Variants in BORCS5 observed in about 807,000 individuals in gnomAD.
BORCS5 encodes the protein BLOC-1 related complex subunit 5.
BORCS5 carries 17 observed loss-of-function variants against 22.1 expected under a neutral mutation model. The observed-to-expected ratio is 0.77, with a 90% CI of 0.53 to 1.15. The LOEUF (loss-of-function observed/expected upper bound fraction) is 1.15. Among genes scored for constraint, BORCS5 ranks in the 50% most tolerant of loss-of-function variants. The pLI is 0.00. For synonymous variants in BORCS5, 117 were observed against 99.8 expected (o/e 1.17, Z -1.03); for missense variants, 247 against 253.2 (o/e 0.98, Z 0.17).
At chr12:12,401,387 A>G (rs1284459097) in intron 2 of BORCS5, among the ~76,000 whole-genome samples, 1 of 152,238 alleles carries the variant, frequency 6.6e-6, no homozygotes, top group African/African-American at 2.4e-5. Flanking sequence ...AACCATCTCA[A>G]ACATAGGGTC....
intron 3 of BORCS5, among the ~76,000 whole-genome samples, chr12:12,438,232 A>G (rs1028833959): frequency 6.6e-6 from 1 of 151,872 alleles, no homozygotes; most frequent in South Asian, 2.1e-4. Flanking sequence ...GTGATGGTGC[A>G]TGCCTGTAGT....
intron 2 of BORCS5, among the ~76,000 whole-genome samples, chr12:12,422,674 CAT>C (rs1035205740): frequency 2.0e-5 from 3 of 151,962 alleles, no homozygotes; most frequent in South Asian, 2.1e-4. Context: ...ACTTTCATAA[CAT>C]AGAAAAACTC....
chr12:12,394,169 T>C (rs1017710602), intron 2 of BORCS5, among the ~76,000 whole-genome samples: 1 of 151,734 alleles, frequency 6.6e-6, no homozygotes, highest in Non-Finnish European at 1.5e-5. Flanking sequence ...CTACTAAAAA[T>C]ACAAAAATGA....
At chr12:12,451,166 CTT>C (rs201926986) in intron 3 of BORCS5, among the ~76,000 whole-genome samples, 12 of 139,010 alleles carry the variant, frequency 8.6e-5, no homozygotes, top group Admixed American at 7.2e-5. Context: ...AGAATTTATT[CTT>C]TTTTTTTTTT....
intron 1 of BORCS5, among the ~76,000 whole-genome samples, chr12:12,358,838 T>C (rs922414620): frequency 3.3e-5 from 5 of 152,176 alleles, no homozygotes; most frequent in African/African-American, 9.7e-5. Flanking sequence ...TTTTGTAAAA[T>C]GTTAGGTAAA....
Position 12,395,098 on chromosome 12 carries a change from G to A in BORCS5, c.202+33749G>A, listed in dbSNP as rs377066892. ...AGGACAGGTGGGGTTTTGGTGTGATGTGTTAGGTTGGGTTGGGAAGGTGGA... is the reference window on the plus strand; with the variant it reads ...AGGACAGGTGGGGTTTTGGTGTGATATGTTAGGTTGGGTTGGGAAGGTGGA... On this transcript the variant is annotated intron_variant, in intron 2 of 3. Transcript: ENST00000314565. 9.3e-4 allele frequency among the ~76,000 whole-genome samples: 141 copies of A among 152,060 alleles called. 1 individual carries two copies. Among genetic ancestry groups the A allele is most frequent in the African/African-American group, 3.3e-3 (136 of 41,376 alleles).
intron 2 of BORCS5, among the ~76,000 whole-genome samples, chr12:12,409,558 C>G (rs569369730): frequency 2.0e-5 from 3 of 152,264 alleles, no homozygotes; most frequent in African/African-American, 4.8e-5. Context: ...AGGACATGAA[C>G]TCATCATTTT....
At chr12:12,442,137 G>T (rs1942695871) in intron 3 of BORCS5, among the ~76,000 whole-genome samples, 1 of 152,206 alleles carries the variant, frequency 6.6e-6, no homozygotes, top group Admixed American at 6.5e-5. Context: ...CGCAGCCCCA[G>T]GAAGATGCAG....
At chr12:12,422,440 C>A (rs1302142874) in intron 2 of BORCS5, among the ~76,000 whole-genome samples, 1 of 151,996 alleles carries the variant, frequency 6.6e-6, no homozygotes, top group East Asian at 1.9e-4. Context: ...ATGGTGAAAC[C>A]CCATCTCTAC....
chr12:12,422,503 A>G lies in BORCS5; in HGVS notation c.203-13125A>G, dbSNP rs551088129. 8.5e-5 allele frequency among the ~76,000 whole-genome samples: 13 copies of G among 152,202 alleles called. No individual in the cohort carries two copies. The South Asian group carries it at 2.7e-3, about 32-fold the overall frequency. On this transcript the variant is annotated intron_variant, in intron 2 of 3. Transcript: ENST00000314565. ...GTGGCACATGCCTGTAGTCTCAGCTACTTGGAAGAATCGTTTGAACCCAGG... is the reference window on the plus strand; with the variant it reads ...GTGGCACATGCCTGTAGTCTCAGCTGCTTGGAAGAATCGTTTGAACCCAGG...
At chr12:12,459,354 A>T (rs1204901733) in intron 3 of BORCS5, among the ~76,000 whole-genome samples, 1 of 150,828 alleles carries the variant, frequency 6.6e-6, no homozygotes, top group African/African-American at 2.4e-5. Flanking sequence ...CTTGTTGCCC[A>T]GGCTGGAGTG....
chr12:12,442,492 A>G (rs1327243937), intron 3 of BORCS5, among the ~76,000 whole-genome samples: 1 of 152,204 alleles, frequency 6.6e-6, no homozygotes, highest in East Asian at 1.9e-4. Flanking sequence ...TAGTGTATTG[A>G]CATAAACCAG....
rs1338601084 is a variant in BORCS5, at chr12:12,467,532, G to A, written c.*1756G>A. On this transcript the variant is annotated 3_prime_UTR_variant, in exon 4 of 4. Transcript: ENST00000314565. ...AAAGTAGAAGTTAGACAAAACATGG[G>A]GTTCACTTAGACTGGGGTCCTGAGT... 6.6e-6 allele frequency: 1 copy of A among 152,230 alleles called. No individual in the cohort carries two copies. Among genetic ancestry groups the A allele is most frequent in the Non-Finnish European group, 1.5e-5 (1 of 68,058 alleles). The allele number at this position is 152,230 out of a possible 1,614,324, so 9.4% of individuals were successfully genotyped here. A position where few individuals can be genotyped will look rare whatever the true frequency, so the allele number is the denominator to read the frequency against.
intron 2 of BORCS5, among the ~76,000 whole-genome samples, chr12:12,399,531 G>C (rs1411653795): frequency 2.0e-5 from 3 of 152,198 alleles, no homozygotes; most frequent in Non-Finnish European, 2.9e-5. Context: ...GAATACAATG[G>C]AGATAATGAA....
intron 2 of BORCS5, among the ~76,000 whole-genome samples, chr12:12,409,116 C>A (rs1592096230): frequency 1.3e-5 from 2 of 151,968 alleles, no homozygotes; most frequent in Non-Finnish European, 1.5e-5. Flanking sequence ...GTTTTTGATA[C>A]TAGCCATCTT....
intron 2 of BORCS5, among the ~76,000 whole-genome samples, chr12:12,406,131 A>G (rs1941590121): frequency 6.6e-6 from 1 of 152,202 alleles, no homozygotes; most frequent in Non-Finnish European, 1.5e-5. Flanking sequence ...GGAAGGCCCT[A>G]TTTTGCAACA....
intron 2 of BORCS5, among the ~76,000 whole-genome samples, chr12:12,432,277 C>T (rs1565908522): frequency 6.6e-6 from 1 of 152,264 alleles, no homozygotes; most frequent in East Asian, 1.9e-4. Context: ...TCCATGGTGC[C>T]TCCTTCCTCT....
intron 2 of BORCS5, among the ~76,000 whole-genome samples, chr12:12,404,618 A>G (rs1941552240): frequency 6.6e-6 from 1 of 152,210 alleles, no homozygotes; most frequent in African/African-American, 2.4e-5. Context: ...CACCAATAGT[A>G]TGTTTCAGAA....
intron 3 of BORCS5, among the ~76,000 whole-genome samples, chr12:12,438,568 C>G (rs1475891155): frequency 6.6e-6 from 1 of 152,022 alleles, no homozygotes. Flanking sequence ...TTTGTCAGCC[C>G]TGGTTACATG....
Sources: allele counts gnomAD v4.1 joint callset (sites outside exome capture counted in the v4.1 genomes callset), GRCh38; gene constraint gnomAD v4.1.1; transcripts MANE v1.5; gene names NCBI Gene and HGNC (gene_info 2026-07-23, HGNC 2026-07-21).